ASIC2: variants seen among roughly 807,000 people sequenced by gnomAD.
The protein encoded by ASIC2 is acid sensing ion channel subunit 2, also known as acid-sensing ion channel 2.
ASIC2 carries 25 observed loss-of-function variants against 57.3 expected under a neutral mutation model. The ratio of observed to expected loss-of-function variants is 0.44; its 90% CI spans 0.32 to 0.61. The LOEUF (loss-of-function observed/expected upper bound fraction) is 0.61. ASIC2 is among the 20% of genes least tolerant of loss of function. The pLI is 0.06. For missense variants in ASIC2, 641 were observed against 738.1 expected, an observed-to-expected ratio of 0.87 and a Z score of 1.52; for synonymous variants, 319 against 307.5, an observed-to-expected ratio of 1.04 and a Z score of -0.39.
intron 1 of ASIC2, among the ~76,000 whole-genome samples, chr17:34,151,717 T>C (rs1387153611): frequency 6.6e-6 from 1 of 152,134 alleles, no homozygotes; most frequent in South Asian, 2.1e-4. Context: ...AGTTATAGTA[T>C]GGAATAGTGA....
chr17:33,816,187 T>A (rs1258420377), intron 1 of ASIC2, among the ~76,000 whole-genome samples: 1 of 143,418 alleles, frequency 7.0e-6, no homozygotes, highest in Non-Finnish European at 1.5e-5. Flanking sequence ...GCGGGTGGGG[T>A]AGAGAAAGTT....
intron 1 of ASIC2, among the ~76,000 whole-genome samples, chr17:33,944,629 G>A (rs555367701): frequency 5.3e-5 from 8 of 152,350 alleles, no homozygotes; most frequent in Admixed American, 5.2e-4. Context: ...TAGTCTCTGA[G>A]CTGTGCTTTC....
chr17:33,645,566 G>A (rs1186608549), intron 1 of ASIC2, among the ~76,000 whole-genome samples: 10 of 152,172 alleles, frequency 6.6e-5, no homozygotes, highest in Admixed American at 6.5e-4. Context: ...GGAGCCCTGA[G>A]CTCTCTTTCT....
At chr17:33,132,330 C>T (rs978176652) in intron 1 of ASIC2, among the ~76,000 whole-genome samples, 2 of 152,188 alleles carry the variant, frequency 1.3e-5, no homozygotes, top group African/African-American at 4.8e-5. Flanking sequence ...GTATTACCCT[C>T]CATCTTACAA....
chr17:33,080,634 A>G (rs2092109517), intron 3 of ASIC2, among the ~76,000 whole-genome samples: 1 of 152,218 alleles, frequency 6.6e-6, no homozygotes, highest in African/African-American at 2.4e-5. Flanking sequence ...AACTAATAAC[A>G]AAACAGAACA....
At chr17:33,676,167 G>C (rs1489548765) in intron 1 of ASIC2, among the ~76,000 whole-genome samples, 1 of 152,176 alleles carries the variant, frequency 6.6e-6, no homozygotes, top group Non-Finnish European at 1.5e-5. Flanking sequence ...ATTGCTGTGT[G>C]TGTTCTGACT....
intron 1 of ASIC2, among the ~76,000 whole-genome samples, chr17:34,060,383 T>C (rs1181691167): frequency 1.3e-5 from 2 of 152,140 alleles, no homozygotes; most frequent in East Asian, 3.9e-4. Context: ...ACAGAGCCTA[T>C]CCAAATGAGA....
At chr17:33,430,421 G>A (rs983923095) in intron 1 of ASIC2, among the ~76,000 whole-genome samples, 1 of 152,140 alleles carries the variant, frequency 6.6e-6, no homozygotes, top group Non-Finnish European at 1.5e-5. Flanking sequence ...AAAGTTGGGG[G>A]AATACAGCGT....
At chr17:33,974,717 T>C (rs761461859) in intron 1 of ASIC2, among the ~76,000 whole-genome samples, 60 of 152,020 alleles carry the variant, frequency 3.9e-4, no homozygotes, top group Non-Finnish European at 6.9e-4. Flanking sequence ...CTGATTCCTC[T>C]CTTTTGTGAG....
rs551205227 is a variant in ASIC2 at position 34,089,032 on chromosome 17, C to A, written c.555+66946G>T. On this transcript the variant is annotated intron_variant, in intron 1 of 9. Coordinates refer to the ASIC2 transcript ENST00000359872. ...GCCCTGCTTCGGCTCGCACACAGTG[C>A]GCTGCACCCACTGACCTGCGCCCAC... 7.9e-5 allele frequency among the ~76,000 whole-genome samples: 12 copies of A among 152,302 alleles called. No homozygotes were observed. In the East Asian group the frequency reaches 2.3e-3, roughly 29 times the overall value.
intron 1 of ASIC2, among the ~76,000 whole-genome samples, chr17:33,678,136 C>G (rs1268450639): frequency 3.3e-5 from 5 of 152,278 alleles, no homozygotes; most frequent in African/African-American, 1.2e-4. Flanking sequence ...TACAGATCAC[C>G]AAAGGCTCAG....
At chr17:33,139,305 G>A (rs546548801) in intron 1 of ASIC2, among the ~76,000 whole-genome samples, 1 of 152,302 alleles carries the variant, frequency 6.6e-6, no homozygotes, top group East Asian at 1.9e-4. Context: ...CCCCTCTTCT[G>A]ACTGGAGTGA....
intron 3 of ASIC2, among the ~76,000 whole-genome samples, chr17:33,028,814 C>G (rs1479489364): frequency 6.6e-6 from 1 of 152,224 alleles, no homozygotes; most frequent in Admixed American, 6.5e-5. Flanking sequence ...ATTCCACCCT[C>G]TTGGTTTGAG....
chr17:33,579,516 C>G (rs12951802), intron 1 of ASIC2, among the ~76,000 whole-genome samples: 2 of 151,830 alleles, frequency 1.3e-5, no homozygotes, highest in African/African-American at 2.4e-5. Context: ...ATTGTCTCCT[C>G]CTGGTGGGTT....
intron 1 of ASIC2, among the ~76,000 whole-genome samples, chr17:33,193,161 A>G (rs1906493111): frequency 6.6e-6 from 1 of 152,230 alleles, no homozygotes; most frequent in Admixed American, 6.5e-5. Context: ...TGAAGCAGGG[A>G]AACCCTACTT....
chr17:33,621,081 A>G (rs1192627573), intron 1 of ASIC2, among the ~76,000 whole-genome samples: 1 of 152,094 alleles, frequency 6.6e-6, no homozygotes, highest in Non-Finnish European at 1.5e-5. Context: ...CTAAAGTGCC[A>G]CCTTTTCAGG....
intron 1 of ASIC2, among the ~76,000 whole-genome samples, chr17:34,097,144 A>G (rs1910576845): frequency 6.6e-6 from 1 of 152,174 alleles, no homozygotes; most frequent in African/African-American, 2.4e-5. Context: ...GTTATTACCC[A>G]ATCCATTAGC....
intron 1 of ASIC2, among the ~76,000 whole-genome samples, chr17:33,949,981 G>T (rs1362581238): frequency 6.6e-6 from 1 of 152,200 alleles, no homozygotes; most frequent in Non-Finnish European, 1.5e-5. Flanking sequence ...CCCAGATCCT[G>T]ATCCTTGGTA....
chr17:33,161,894 A>G (rs990366216), intron 1 of ASIC2, among the ~76,000 whole-genome samples: 1 of 137,004 alleles, frequency 7.3e-6, no homozygotes, highest in Non-Finnish European at 1.6e-5. Flanking sequence ...TTTGCTTCAA[A>G]ACTGTGCTTT....
Sources: gnomAD v4.1 joint callset for allele counts (sites outside exome capture counted in the v4.1 genomes callset) on GRCh38, gnomAD v4.1.1 for gene constraint, MANE v1.5 for transcripts, NCBI Gene and HGNC (gene_info 2026-07-23, HGNC 2026-07-21) for gene names.